The following ANKRD31 variants were observed in gnomAD, a reference collection of about 807,000 sequenced individuals.
ANKRD31 encodes ankyrin repeat domain 31, also known as ankyrin repeat domain-containing protein 31.
ANKRD31 carries 147 observed loss-of-function variants against 186.0 expected under a neutral mutation model. The ratio of observed to expected loss-of-function variants is 0.79; its 90% CI spans 0.69 to 0.91. The LOEUF (loss-of-function observed/expected upper bound fraction) is 0.91. ANKRD31 is among the 40% of genes least tolerant of loss of function. The pLI, the probability that ANKRD31 is intolerant of heterozygous loss-of-function variation, is 0.00. For missense variants in ANKRD31, 1,986 were observed against 2,148.8 expected, an observed-to-expected ratio of 0.92 and a Z score of 1.50; for synonymous variants, 673 against 736.4, an observed-to-expected ratio of 0.91 and a Z score of 1.39.
chr5:75,100,900 A>G (rs1035775574), intron 22 of ANKRD31, among the ~76,000 whole-genome samples: 1 of 152,210 alleles, frequency 6.6e-6, no homozygotes, highest in Non-Finnish European at 1.5e-5. Context: ...GTGTCTTTTA[A>G]TTGGAGCATT....
At chr5:75,162,354 G>C (rs961995828) in intron 11 of ANKRD31, among the ~76,000 whole-genome samples, 2 of 152,328 alleles carry the variant, frequency 1.3e-5, no homozygotes, top group Non-Finnish European at 2.9e-5. Flanking sequence ...CATAGGGCCT[G>C]TAGCCCCTTC....
chr5:75,217,988 A>T (rs1757063559), intron 3 of ANKRD31, among the ~76,000 whole-genome samples: 1 of 152,130 alleles, frequency 6.6e-6, no homozygotes, highest in East Asian at 1.9e-4. Context: ...TTGTCTCAAA[A>T]GGATCTTATT....
At chr5:75,151,727 T>C (rs1473512634) in intron 12 of ANKRD31, among the ~76,000 whole-genome samples, 1 of 152,044 alleles carries the variant, frequency 6.6e-6, no homozygotes, top group Non-Finnish European at 1.5e-5. Flanking sequence ...AGATCTTTTC[T>C]AATAGACTTA....
chr5:75,081,804 C>T (rs1345273125), intron 24 of ANKRD31, among the ~76,000 whole-genome samples: 1 of 151,980 alleles, frequency 6.6e-6, no homozygotes, highest in Non-Finnish European at 1.5e-5. Context: ...TCCAATTCCA[C>T]CCTCAGGAAT....
At chr5:75,200,664 G>A (rs935292194) in intron 5 of ANKRD31, among the ~76,000 whole-genome samples, 1 of 151,000 alleles carries the variant, frequency 6.6e-6, no homozygotes, top group Non-Finnish European at 1.5e-5. Flanking sequence ...TGTAATCCCA[G>A]CACTTTGGGA....
chr5:75,101,150 T>C (rs1381229724), intron 22 of ANKRD31, among the ~76,000 whole-genome samples: 1 of 152,190 alleles, frequency 6.6e-6, no homozygotes, highest in African/African-American at 2.4e-5. Flanking sequence ...CATTTGCTTG[T>C]CTGTGAAGGA....
Position 75,154,205 on chromosome 5 carries a change from T to C in ANKRD31, c.1848A>G (p.Thr616=). 2 of 1,517,952 alleles carry C rather than the reference T, an allele frequency of 1.3e-6. No individual in the cohort carries two copies. The highest frequency in any genetic ancestry group is 2.5e-5 in the South Asian group (2 of 79,796). 94.0% of individuals were successfully genotyped at this position (1,517,952 alleles called of 1,614,324 possible). The change falls in exon 12 of 26, where the codon ACA becomes ACG. Residue 616 remains threonine (T), a synonymous_variant. Transcript: ENST00000506364. The part of the protein sequence containing the change: ...RYIPKHQKCL[T]SAQRSSIDPL... ...TACAGGGCAGTTTAATCTTACCTGA[T>C]GTAAGGCATTTTTGATGTTTAGGGA...
At chr5:75,125,113 TG>T (rs1197170523) in intron 17 of ANKRD31, among the ~76,000 whole-genome samples, 1 of 152,136 alleles carries the variant, frequency 6.6e-6, no homozygotes, top group Non-Finnish European at 1.5e-5. Context: ...AGTGAGCCCT[TG>T]TAAAATGTCT....
At chr5:75,084,638 A>G (rs1174488529) in intron 23 of ANKRD31, among the ~76,000 whole-genome samples, 1 of 152,236 alleles carries the variant, frequency 6.6e-6, no homozygotes, top group Non-Finnish European at 1.5e-5. Flanking sequence ...CACGTCCATG[A>G]AGCCCAAAAT....
chr5:75,157,426 A>G (rs1752261789), intron 11 of ANKRD31, among the ~76,000 whole-genome samples: 1 of 152,202 alleles, frequency 6.6e-6, no homozygotes, highest in Non-Finnish European at 1.5e-5. Context: ...GGAGAAAAAG[A>G]TAAATTGAAG....
At chr5:75,101,120 G>C (rs1378671581) in intron 22 of ANKRD31, among the ~76,000 whole-genome samples, 1 of 152,110 alleles carries the variant, frequency 6.6e-6, no homozygotes, top group Non-Finnish European at 1.5e-5. Flanking sequence ...GGCAGGCCTG[G>C]TGGTGACAAA....
At chr5:75,218,499 T>C (rs937410121) in intron 3 of ANKRD31, among the ~76,000 whole-genome samples, 13 of 152,008 alleles carry the variant, frequency 8.6e-5, no homozygotes, top group African/African-American at 3.1e-4. Flanking sequence ...GATTCACAGC[T>C]GAATTATAAC....
chr5:75,228,331 GT>G (rs1259245475), intron 2 of ANKRD31, among the ~76,000 whole-genome samples: 3 of 152,046 alleles, frequency 2.0e-5, no homozygotes, highest in Non-Finnish European at 4.4e-5. Flanking sequence ...GAATTTTAAT[GT>G]TTTTCATTTA....
At position 75,196,035 on chromosome 5, in the gene ANKRD31, T is replaced by C; in HGVS notation, c.613A>G (p.Met205Val). Residue 205 changes from methionine to valine, a missense_variant, in exon 7 of 26, where the codon ATG (methionine) becomes GTG (valine). Coordinates refer to ENST00000506364, the MANE Select transcript of ANKRD31 (RefSeq NM_001372053.1). ...TCATCCTTAGTTTCTTCAGAAGTCA[T>C]GGTCATTGTGACTTCCTTTCTAGGC... Reference protein sequence around the residue: ...FEPRKEVTMTMTSEETKDEES... With the variant: ...FEPRKEVTMTVTSEETKDEES... 6.5e-7 allele frequency: 1 copy of C among 1,535,868 alleles called. No individual in the cohort carries two copies. The highest frequency in any genetic ancestry group is 8.7e-7 in the Non-Finnish European group (1 of 1,146,410).
chr5:75,109,925 A>G (rs1320642964), intron 20 of ANKRD31, among the ~76,000 whole-genome samples: 3 of 152,192 alleles, frequency 2.0e-5, no homozygotes, highest in African/African-American at 7.2e-5. Flanking sequence ...GATGGACCAA[A>G]GAGAAATTTC....
At chr5:75,211,024 T>C (rs999914319) in intron 3 of ANKRD31, among the ~76,000 whole-genome samples, 159 bp from the exon 4 acceptor site, 2 of 152,212 alleles carry the variant, frequency 1.3e-5, no homozygotes, top group African/African-American at 4.8e-5. Context: ...TTACTATCTG[T>C]ACATTTTTAA....
intron 22 of ANKRD31, among the ~76,000 whole-genome samples, chr5:75,097,612 C>G (rs937621927): frequency 5.3e-5 from 8 of 152,114 alleles, no homozygotes; most frequent in African/African-American, 1.7e-4. Context: ...TAGGTTGCCT[C>G]TTCACTCTGA....
intron 17 of ANKRD31, among the ~76,000 whole-genome samples, chr5:75,124,094 C>T (rs2150094914): frequency 6.6e-6 from 1 of 151,918 alleles, no homozygotes; most frequent in East Asian, 1.9e-4. Context: ...AATAACAAAA[C>T]AACAAATAGC....
intron 24 of ANKRD31, among the ~76,000 whole-genome samples, chr5:75,082,325 G>A (rs543651031): frequency 1.3e-5 from 2 of 152,246 alleles, no homozygotes; most frequent in African/African-American, 4.8e-5. Context: ...GTAGGGACTT[G>A]GTGATAGAAA....
Sources: gnomAD v4.1 joint callset for allele counts (sites outside exome capture counted in the v4.1 genomes callset) on GRCh38, gnomAD v4.1.1 for gene constraint, MANE v1.5 for transcripts, NCBI Gene and HGNC (gene_info 2026-07-23, HGNC 2026-07-21) for gene names.